The following WIPF3 variants were observed in gnomAD, a reference collection of about 807,000 sequenced individuals.
WIPF3 encodes WAS/WASL-interacting protein family member 3.
Under a neutral mutation model 38.9 loss-of-function variants are expected in WIPF3, and 33 were observed. The observed-to-expected ratio is 0.85, with a 90% confidence interval of 0.64 to 1.14. The LOEUF (loss-of-function observed/expected upper bound fraction) is 1.14. Among genes scored for constraint, WIPF3 ranks in the 50% most tolerant of loss-of-function variants. The pLI, the probability that WIPF3 is intolerant of heterozygous loss-of-function variation, is 0.00. For synonymous variants in WIPF3, 324 were observed against 269.3 expected, an observed-to-expected ratio of 1.20 and a Z score of -1.99; for missense variants, 711 against 652.5, an observed-to-expected ratio of 1.09 and a Z score of -0.98.
intron 1 of WIPF3, among the ~76,000 whole-genome samples, chr7:29,820,543 G>A (rs1056680318): frequency 1.3e-4 from 20 of 151,886 alleles, no homozygotes; most frequent in East Asian, 3.9e-4. Context: ...CCTATCTTTA[G>A]TTCTTCTAGC....
rs143030132 is a variant in WIPF3, at chr7:29,865,392, A to G, written c.91-10438A>G. 3.2e-3 allele frequency among the ~76,000 whole-genome samples: 488 copies of G among 152,316 alleles called. 1 individual carries two copies. Among genetic ancestry groups the G allele is most frequent in the Non-Finnish European group, 5.2e-3 (352 of 68,030 alleles). ...ACCCCTGAACTCAGCTCTTTCCACT[A>G]TACCACACTGCCTTCTTAATAACGA... On this transcript the variant is annotated intron_variant, in intron 2 of 8. Coordinates refer to ENST00000242140, the MANE Select transcript of WIPF3 (RefSeq NM_001080529.3).
At chr7:29,842,245 G>A (rs1030271425) in intron 2 of WIPF3, among the ~76,000 whole-genome samples, 2 of 152,220 alleles carry the variant, frequency 1.3e-5, no homozygotes, top group Non-Finnish European at 2.9e-5. Context: ...TGCCATTCAA[G>A]TTTCAATATC....
intron 2 of WIPF3, among the ~76,000 whole-genome samples, chr7:29,860,280 A>G (rs1158039861): frequency 6.6e-6 from 1 of 151,986 alleles, no homozygotes; most frequent in Non-Finnish European, 1.5e-5. Context: ...GTCTCCCCAA[A>G]CCTCATTGTG....
chr7:29,809,363 C>G (rs2128060616), intron 1 of WIPF3, among the ~76,000 whole-genome samples: 1 of 152,302 alleles, frequency 6.6e-6, no homozygotes, highest in East Asian at 1.9e-4. Context: ...TGCCATCGAG[C>G]ATGGTTCTGC....
intron 2 of WIPF3, among the ~76,000 whole-genome samples, chr7:29,872,771 C>A (rs186651109): frequency 0.032 from 4,144 of 128,480 alleles, 82 homozygotes; most frequent in Middle Eastern, 0.1. Flanking sequence ...TGCACTCCAA[C>A]CTGGGCGACA....
At chr7:29,812,462 C>T (rs1291349277) in intron 1 of WIPF3, among the ~76,000 whole-genome samples, 1 of 152,146 alleles carries the variant, frequency 6.6e-6, no homozygotes, top group Non-Finnish European at 1.5e-5. Flanking sequence ...CTCATGATGA[C>T]GATATGGCTG....
At chr7:29,886,692 G>A (rs1266586918) in intron 5 of WIPF3, among the ~76,000 whole-genome samples, 1 of 152,108 alleles carries the variant, frequency 6.6e-6, no homozygotes, top group African/African-American at 2.4e-5. Context: ...AGGGCTATGA[G>A]TTCAGATCCT....
chr7:29,860,163 T>G (rs528816948), intron 2 of WIPF3, among the ~76,000 whole-genome samples: 21 of 152,220 alleles, frequency 1.4e-4, no homozygotes, highest in Non-Finnish European at 2.8e-4. Flanking sequence ...ACATGAAAGT[T>G]TGTAAGGAAA....
At chr7:29,840,504 G>A (rs1233691343) in intron 2 of WIPF3, among the ~76,000 whole-genome samples, 1 of 152,158 alleles carries the variant, frequency 6.6e-6, no homozygotes. Flanking sequence ...TGTCACTCAT[G>A]CCTGGCTCGA....
intron 7 of WIPF3, among the ~76,000 whole-genome samples, chr7:29,894,918 TG>T (rs1259331905): frequency 3.8e-5 from 4 of 103,988 alleles, no homozygotes; most frequent in South Asian, 4.2e-4. Flanking sequence ...TGTGTGTTGT[TG>T]TTTTTTTTTG....
intron 2 of WIPF3, among the ~76,000 whole-genome samples, chr7:29,846,741 A>C (rs1018188308): frequency 6.6e-6 from 1 of 152,234 alleles, no homozygotes; most frequent in African/African-American, 2.4e-5. Context: ...GTGTAAAAAC[A>C]GGTTTAAACA....
chr7:29,866,138 G>A (rs370623670), intron 2 of WIPF3, among the ~76,000 whole-genome samples: 19 of 152,178 alleles, frequency 1.2e-4, no homozygotes, highest in African/African-American at 3.6e-4. Context: ...CAGCCTGCGC[G>A]ACAGAGCAAG....
chr7:29,894,235 C>T (rs1474988429), intron 7 of WIPF3, among the ~76,000 whole-genome samples: 2 of 152,122 alleles, frequency 1.3e-5, no homozygotes, highest in Admixed American at 6.6e-5. Flanking sequence ...ATTTTATGTC[C>T]GTGGTGCTCA....
At chr7:29,895,089 C>T in intron 7 of WIPF3, among the ~76,000 whole-genome samples, 1 of 152,080 alleles carries the variant, frequency 6.6e-6, no homozygotes, top group Middle Eastern at 3.4e-3. Context: ...GTAGCCCATG[C>T]ACCACCACAC....
Position 29,914,505 on chromosome 7 carries a change from A to T in WIPF3, c.1441A>T (p.Thr481Ser). The T allele has an allele frequency of 1.3e-6, 2 of 1,518,296 alleles. No homozygotes were observed. Among genetic ancestry groups the T allele is most frequent in the Non-Finnish European group, 8.8e-7 (1 of 1,131,058 alleles). The allele number at this position is 1,518,296 out of a possible 1,614,324, so 94.1% of individuals were successfully genotyped here. The change falls in exon 9 of 9, where the codon ACT (threonine) becomes TCT (serine). Residue 481 changes from threonine (T) to serine (S), a missense_variant. Thr to Ser is a moderately conservative substitution (Grantham distance 58). Transcript: ENST00000242140. ...TATGTTTCCACAGTTATCTCTAAAGACTCTTCGGTGAGAAGACAGATGAAG... is the reference window on the plus strand; with the variant it reads ...TATGTTTCCACAGTTATCTCTAAAGTCTCTTCGGTGAGAAGACAGATGAAG... The part of the protein sequence containing the change: ...KGRNSQLSLK[T>S]LR
intron 1 of WIPF3, among the ~76,000 whole-genome samples, chr7:29,812,232 T>C (rs1784391129): frequency 6.6e-6 from 1 of 152,204 alleles, no homozygotes; most frequent in South Asian, 2.1e-4. Flanking sequence ...CTCCCGTATA[T>C]ATATCCAGAT....
At chr7:29,907,419 AC>A (rs1480511647) in intron 8 of WIPF3, among the ~76,000 whole-genome samples, 1 of 152,246 alleles carries the variant, frequency 6.6e-6, no homozygotes, top group Non-Finnish European at 1.5e-5. Flanking sequence ...AATCTAAGCT[AC>A]TATAAAATCA....
chr7:29,889,493 C>T (rs1034874474), intron 7 of WIPF3, 86 bp downstream of exon 7: 9 of 975,128 alleles, frequency 9.2e-6, no homozygotes, highest in Admixed American at 1.9e-5. Flanking sequence ...CACAGACTGT[C>T]TAAAGGATGA....
intron 7 of WIPF3, among the ~76,000 whole-genome samples, chr7:29,897,293 G>A (rs575721082): frequency 2.0e-5 from 3 of 152,302 alleles, no homozygotes; most frequent in South Asian, 4.2e-4. Flanking sequence ...GAACATGGAA[G>A]TACAAATATC....
Sources: gnomAD v4.1 joint callset for allele counts (sites outside exome capture counted in the v4.1 genomes callset) on GRCh38, gnomAD v4.1.1 for gene constraint, MANE v1.5 for transcripts, NCBI Gene and HGNC (gene_info 2026-07-23, HGNC 2026-07-21) for gene names.